The following ADORA1 variants were observed in gnomAD, a reference collection of about 807,000 sequenced individuals.
ADORA1 encodes the protein adenosine receptor A1.
Under a neutral mutation model 19.9 loss-of-function variants are expected in ADORA1, and 6 were observed. The ratio of observed to expected loss-of-function variants is 0.30; its 90% CI spans 0.17 to 0.59. The LOEUF is 0.59. Among genes scored for constraint, ADORA1 ranks in the 20% least tolerant of loss-of-function variants. The probability of loss-of-function intolerance (pLI) is 0.87; values close to 1 mark genes in which losing one functional copy is unlikely to be tolerated. For synonymous variants in ADORA1, 194 were observed against 188.4 expected, an observed-to-expected ratio of 1.03 and a Z score of -0.24; for missense variants, 302 against 439.2, an observed-to-expected ratio of 0.69 and a Z score of 2.79.
intron 3 of ADORA1, among the ~76,000 whole-genome samples, chr1:203,140,550 C>G (rs577588010): frequency 6.6e-6 from 1 of 152,204 alleles, no homozygotes; most frequent in African/African-American, 2.4e-5. Flanking sequence ...CTTACCACTC[C>G]CCAGCTCTCC....
At chr1:203,152,902 A>C (rs1421222526) in intron 3 of ADORA1, 1 of 152,146 alleles carries the variant, frequency 6.6e-6, no homozygotes, top group Non-Finnish European at 1.5e-5. Flanking sequence ...CTGGCTGTGG[A>C]AAAACATTCC....
At chr1:203,135,078 C>T (rs1654462447) in intron 3 of ADORA1, among the ~76,000 whole-genome samples, 1 of 152,162 alleles carries the variant, frequency 6.6e-6, no homozygotes, top group Non-Finnish European at 1.5e-5. Flanking sequence ...CTTCTCCTTC[C>T]AAGTCCACCA....
chr1:203,142,515 A>G (rs529926116), intron 3 of ADORA1, among the ~76,000 whole-genome samples: 1 of 152,360 alleles, frequency 6.6e-6, no homozygotes, highest in South Asian at 2.1e-4. Flanking sequence ...CAGAAGACAA[A>G]GGCAGGTAAT....
chr1:203,164,394 A>G (rs890103714), intron 3 of ADORA1, among the ~76,000 whole-genome samples: 1 of 152,252 alleles, frequency 6.6e-6, no homozygotes, highest in African/African-American at 2.4e-5. Flanking sequence ...AAAGCACTCG[A>G]CAAATGCTTG....
chr1:203,133,431 T>C (rs891125534), intron 3 of ADORA1, among the ~76,000 whole-genome samples: 1 of 152,214 alleles, frequency 6.6e-6, no homozygotes, highest in Non-Finnish European at 1.5e-5. Context: ...TAGACAATTC[T>C]TTAGCTAAAT....
chr1:203,141,085 C>T (rs530220495), intron 3 of ADORA1, among the ~76,000 whole-genome samples: 1 of 152,172 alleles, frequency 6.6e-6, no homozygotes, highest in South Asian at 2.1e-4. Flanking sequence ...CAGCTGAGAA[C>T]CTGGTCAATC....
At chr1:203,140,886 G>A (rs1415487321) in intron 3 of ADORA1, among the ~76,000 whole-genome samples, 1 of 152,198 alleles carries the variant, frequency 6.6e-6, no homozygotes, top group East Asian at 1.9e-4. Context: ...CTCTCCCCAG[G>A]AAGCCTTTGG....
In ADORA1 at chr1:203,128,269, G is replaced by A. The variant is rs1485273230; in HGVS notation, c.-212-9G>A. The A allele has an allele frequency of 8.0e-7, 1 of 1,242,456 alleles. No homozygotes were observed. The highest frequency in any genetic ancestry group is 1.5e-5 in the African/African-American group (1 of 64,718). 77.0% of individuals were successfully genotyped at this position (1,242,456 alleles called of 1,614,324 possible). On this transcript the variant is annotated splice_polypyrimidine_tract_variant and intron_variant, in intron 1 of 3. Coordinates refer to ENST00000337894, the MANE Select transcript of ADORA1 (RefSeq NM_000674.3). The surrounding 1 kb of genome is among the most constrained non-coding windows in gnomAD (Gnocchi z 5.9). The stretch of plus-strand genomic sequence containing the variant: ...TGAGTCTCTGCCGTACCATGTGATT[G>A]CTTGAAAGGCCGGGCTGGGAGCGCT...
intron 3 of ADORA1, chr1:203,150,525 G>T: frequency 9.2e-7 from 1 of 1,085,146 alleles, no homozygotes; most frequent in Non-Finnish European, 1.2e-6. Flanking sequence ...AAAACTGCTG[G>T]GTCCTGGGGT....
chr1:203,141,546 G>A (rs974973545), intron 3 of ADORA1, among the ~76,000 whole-genome samples: 2 of 126,684 alleles, frequency 1.6e-5, no homozygotes, highest in East Asian at 2.3e-4. Flanking sequence ...GGGACGGTCT[G>A]TTTGAAAAAA....
At chr1:203,134,529 C>A (rs948288342) in intron 3 of ADORA1, among the ~76,000 whole-genome samples, 6 of 152,214 alleles carry the variant, frequency 3.9e-5, no homozygotes, top group African/African-American at 1.4e-4. Context: ...CATCGGGTGG[C>A]TTCCCGGAAG....
intron 3 of ADORA1, among the ~76,000 whole-genome samples, chr1:203,142,791 GGGGAGCTGGCTCTGA>G (rs1654736527): frequency 6.6e-6 from 1 of 152,166 alleles, no homozygotes; most frequent in Admixed American, 6.5e-5. Context: ...AGCTCCTGGT[GGGGAGCTGGCTCTGA>G]GGGAGCTGAA....
At chr1:203,145,389 G>A (rs946146693) in intron 3 of ADORA1, among the ~76,000 whole-genome samples, 2 of 152,218 alleles carry the variant, frequency 1.3e-5, no homozygotes, top group South Asian at 2.1e-4. Flanking sequence ...CACCTTCCCC[G>A]CTGACCTGCA....
In ADORA1 at chr1:203,128,651, T is replaced by A. The variant is rs751105019; in HGVS notation, c.-57-134T>A. 1.2e-4 allele frequency: 132 copies of A among 1,098,840 alleles called. No homozygotes were observed. The highest frequency in any genetic ancestry group is 1.5e-4 in the Non-Finnish European group (119 of 792,070). The allele number at this position is 1,098,840 out of a possible 1,614,324, so 68.1% of individuals were successfully genotyped here. A position where few individuals can be genotyped will look rare whatever the true frequency, so the allele number is the denominator to read the frequency against. The stretch of plus-strand genomic sequence containing the variant: ...AAGATTAGGCAGAGAAGGGTCCGGG[T>A]GCCCCTCCAGCCTGGGTAGGAGCTG... On this transcript the variant is annotated intron_variant, in intron 2 of 3. Coordinates refer to ENST00000337894, the MANE Select transcript of ADORA1 (RefSeq NM_000674.3). The surrounding 1 kb of genome is among the most constrained non-coding windows in gnomAD (Gnocchi z 5.9).
intron 3 of ADORA1, among the ~76,000 whole-genome samples, chr1:203,149,119 C>T (rs1468519174): frequency 6.6e-6 from 1 of 152,110 alleles, no homozygotes; most frequent in Non-Finnish European, 1.5e-5. Flanking sequence ...CTCAGGTGGT[C>T]CACCCTCCTC....
chr1:203,129,632 G>A (rs997491487), intron 3 of ADORA1: 1 of 161,564 alleles, frequency 6.2e-6, no homozygotes, highest in African/African-American at 2.4e-5. Context: ...AGGGGCAGGA[G>A]TGCTGCTTCT....
chr1:203,151,963 CT>C (rs1655051764), intron 3 of ADORA1, among the ~76,000 whole-genome samples: 1 of 152,190 alleles, frequency 6.6e-6, no homozygotes, highest in Admixed American at 6.5e-5. Flanking sequence ...ACCACTGCCC[CT>C]GGGCTCCTCC....
At chr1:203,147,865 C>T (rs565295132) in intron 3 of ADORA1, among the ~76,000 whole-genome samples, 144 of 152,252 alleles carry the variant, frequency 9.5e-4, no homozygotes, top group Non-Finnish European at 1.6e-3. Context: ...TGAAACATTA[C>T]GTTGTACCCC....
chr1:203,136,128 C>T (rs914251708), intron 3 of ADORA1, among the ~76,000 whole-genome samples: 9 of 152,132 alleles, frequency 5.9e-5, no homozygotes, highest in African/African-American at 1.4e-4. Context: ...GCTCCTTGGG[C>T]GGCATGAATC....
Sources: gnomAD v4.1 joint callset for allele counts (sites outside exome capture counted in the v4.1 genomes callset) on GRCh38, gnomAD v4.1.1 for gene constraint, Gnocchi (gnomAD v3.1) non-coding constraint, MANE v1.5 for transcripts, NCBI Gene and HGNC (gene_info 2026-07-23, HGNC 2026-07-21) for gene names.